ZNF608: variants seen among roughly 807,000 people sequenced by gnomAD.
The protein encoded by ZNF608 is renal carcinoma antigen NY-REN-36.
Under a neutral mutation model 109.0 loss-of-function variants are expected in ZNF608, and 12 were observed. That is an observed-to-expected ratio of 0.11 (90% CI 0.07 to 0.18). The LOEUF is 0.18. Ranked by LOEUF, ZNF608 falls within the 10% of genes least tolerant of loss-of-function variation. The probability of loss-of-function intolerance (pLI) is 1.00; values close to 1 mark genes in which losing one functional copy is unlikely to be tolerated. For missense variants in ZNF608, 1,707 were observed against 1,879.3 expected (o/e 0.91, Z 1.70); for synonymous variants, 732 against 717.4 (o/e 1.02, Z -0.33).
At chr5:124,726,723 C>T (rs73782050) in intron 2 of ZNF608, among the ~76,000 whole-genome samples, 2,255 of 151,508 alleles carry the variant, frequency 0.015, 68 homozygotes, top group African/African-American at 0.052. Context: ...GGTTTCTCAT[C>T]GCATTCAAGC....
At chr5:124,729,116 A>C (rs1449292195) in intron 2 of ZNF608, among the ~76,000 whole-genome samples, 1 of 152,234 alleles carries the variant, frequency 6.6e-6, no homozygotes, top group Non-Finnish European at 1.5e-5. Context: ...TAAAAGCATC[A>C]GTTCTGATTA....
At chr5:124,734,720 GT>G (rs1749066108) in intron 2 of ZNF608, 1 of 152,128 alleles carries the variant, frequency 6.6e-6, no homozygotes, top group Non-Finnish European at 1.5e-5. Context: ...GTTTATTTGG[GT>G]TTACAGCTTT....
At chr5:124,650,376 A>G (rs558325857) in intron 3 of ZNF608, among the ~76,000 whole-genome samples, 1 of 152,344 alleles carries the variant, frequency 6.6e-6, no homozygotes, top group South Asian at 2.1e-4. Context: ...AGCCCTCTTA[A>G]GAAAACAAAT....
In ZNF608 at chr5:124,744,823, G is replaced by A. The variant is rs779958766; in HGVS notation, c.167C>T (p.Thr56Ile). Residue 56 changes from threonine to isoleucine, a missense_variant, in exon 2 of 10, where the codon ACC (threonine) becomes ATC (isoleucine). By Grantham distance (89) the Thr-to-Ile change is moderately conservative (BLOSUM62 -1). Around this residue, in one of 7 missense-constraint regions of ZNF608, gnomAD observed 407 missense variants for 398.7 expected, o/e 1.02. Transcript: ENST00000513986. This position sits in a 1 kb window ranked among gnomAD's most constrained non-coding sequence, Gnocchi z 4.5. The part of the protein sequence containing the change: ...QKFEMNNSTT[T>I]TSSSNSKDCG... The stretch of plus-strand genomic sequence containing the variant: ...ATCCTTGGAGTTGCTGCTACTAGTG[G>A]TGGTGGTGGAATTATTCATCTCAAA... 1.2e-6 allele frequency: 2 copies of A among 1,614,178 alleles called. No individual in the cohort carries two copies. Among genetic ancestry groups the A allele is most frequent in the African/African-American group, 1.3e-5 (1 of 75,038 alleles).
At chr5:124,652,679 G>A (rs1188944332) in intron 3 of ZNF608, among the ~76,000 whole-genome samples, 1 of 152,200 alleles carries the variant, frequency 6.6e-6, no homozygotes, top group African/African-American at 2.4e-5. Flanking sequence ...ATTGTGAAGG[G>A]CCAAGTATAA....
chr5:124,720,635 T>C (rs2149878140), intron 2 of ZNF608, among the ~76,000 whole-genome samples: 1 of 152,254 alleles, frequency 6.6e-6, no homozygotes, highest in Non-Finnish European at 1.5e-5. Flanking sequence ...CAGGTAAAAA[T>C]AAATCCAACC....
At chr5:124,707,213 G>A (rs185983740) in intron 2 of ZNF608, among the ~76,000 whole-genome samples, 11 of 152,312 alleles carry the variant, frequency 7.2e-5, no homozygotes, top group Admixed American at 7.2e-4. Flanking sequence ...GGTGGCCAGG[G>A]TAGGGCTGGA....
At chr5:124,704,701 C>T (rs762404501) in intron 2 of ZNF608, among the ~76,000 whole-genome samples, 4 of 152,084 alleles carry the variant, frequency 2.6e-5, no homozygotes, top group Non-Finnish European at 5.9e-5. Context: ...CATCAACTGA[C>T]AGAACTGAGC....
intron 8 of ZNF608, among the ~76,000 whole-genome samples, chr5:124,639,623 A>T (rs1298737695): frequency 6.6e-6 from 1 of 152,226 alleles, no homozygotes. Context: ...TATCACTTTA[A>T]CATTTTCCCC....
intron 3 of ZNF608, among the ~76,000 whole-genome samples, chr5:124,677,433 T>G (rs142229724): frequency 2.0e-5 from 3 of 152,180 alleles, no homozygotes; most frequent in Non-Finnish European, 2.9e-5. Flanking sequence ...CTGTTTGACA[T>G]AGGACACAGC....
At chr5:124,740,511 GAAA>G (rs5871103) in intron 2 of ZNF608, among the ~76,000 whole-genome samples, 2 of 144,144 alleles carry the variant, frequency 1.4e-5, no homozygotes, top group Non-Finnish European at 1.5e-5. Context: ...CACTATATTT[GAAA>G]AAAAAAAAAA....
At chr5:124,640,487 G>A (rs1380962408) in intron 8 of ZNF608, among the ~76,000 whole-genome samples, 1 of 152,152 alleles carries the variant, frequency 6.6e-6, no homozygotes, top group Non-Finnish European at 1.5e-5. Context: ...GCCAGGAAGA[G>A]AGGCCTGAGC....
intron 2 of ZNF608, among the ~76,000 whole-genome samples, chr5:124,706,081 T>C (rs1753247474): frequency 6.6e-6 from 1 of 152,224 alleles, no homozygotes; most frequent in South Asian, 2.1e-4. Context: ...AGGATAATTG[T>C]AGAACTACAA....
rs756375589 is a variant in ZNF608, at chr5:124,648,771, G to A, written c.1613C>T (p.Pro538Leu). The part of the protein sequence containing the change: ...RSTPTTPQGK[P>L]ETTFLDQGCS... Reference sequence around the variant, plus strand: ...GCCTTGGTCCAAAAAAGTAGTCTCTGGTTTCCCTTGAGGGGTAGTGGGAGT... The same window carrying A: ...GCCTTGGTCCAAAAAAGTAGTCTCTAGTTTCCCTTGAGGGGTAGTGGGAGT... Residue 538 changes from proline (P) to leucine (L), a missense_variant, in exon 5 of 10, where the codon CCA becomes CTA. This residue lies in a region of ZNF608 where 166 missense variants were observed against 204.2 expected (regional missense o/e 0.81). Transcript: ENST00000513986. 6.2e-7 allele frequency: 1 copy of A among 1,614,212 alleles called. No homozygotes were observed. The highest frequency in any genetic ancestry group is 8.5e-7 in the Non-Finnish European group (1 of 1,180,046).
At chr5:124,663,583 G>A (rs980721203) in intron 3 of ZNF608, among the ~76,000 whole-genome samples, 1 of 152,200 alleles carries the variant, frequency 6.6e-6, no homozygotes, top group African/African-American at 2.4e-5. Context: ...CACAGCTTTT[G>A]ATTGAGAAAT....
intron 2 of ZNF608, among the ~76,000 whole-genome samples, chr5:124,733,688 T>C (rs1223857333): frequency 6.6e-6 from 1 of 152,024 alleles, no homozygotes; most frequent in Non-Finnish European, 1.5e-5. Context: ...ACCCAGGAGG[T>C]CTCTGCAATC....
intron 3 of ZNF608, among the ~76,000 whole-genome samples, chr5:124,682,586 G>A (rs6871443): frequency 0.48 from 72,355 of 152,070 alleles, 19,245 homozygotes; most frequent in African/African-American, 0.73. Flanking sequence ...CTCTGGGAGA[G>A]ACTATCCCAA....
intron 3 of ZNF608, among the ~76,000 whole-genome samples, chr5:124,698,176 C>T (rs1752922660): frequency 1.3e-5 from 2 of 152,162 alleles, no homozygotes; most frequent in South Asian, 2.1e-4. Context: ...AACTGGCTCC[C>T]AATGTGTTTG....
intron 6 of ZNF608, among the ~76,000 whole-genome samples, chr5:124,644,002 G>A (rs1316798678): frequency 6.6e-6 from 1 of 152,190 alleles, no homozygotes; most frequent in Non-Finnish European, 1.5e-5. Context: ...AGGCAATAAA[G>A]TATCTGTCAG....
Sources: gnomAD v4.1 joint callset for allele counts (sites outside exome capture counted in the v4.1 genomes callset) on GRCh38, gnomAD v4.1.1 for gene constraint, gnomAD v4.1.1 regional missense constraint, Gnocchi (gnomAD v3.1) non-coding constraint, MANE v1.5 for transcripts, NCBI Gene and HGNC (gene_info 2026-07-23, HGNC 2026-07-21) for gene names.